The following CELSR1 variants were observed in gnomAD, a reference collection of about 807,000 sequenced individuals.
CELSR1 encodes the protein cadherin EGF LAG seven-pass G-type receptor 1, also known as adhesion G protein-coupled receptor C1.
In CELSR1, 110 loss-of-function variants were observed where a neutral mutation model predicts 249.1. The ratio of observed to expected loss-of-function variants is 0.44; its 90% CI spans 0.38 to 0.52. The LOEUF (loss-of-function observed/expected upper bound fraction) is 0.52, where lower values mean the gene tolerates loss of function less well. Ranked by LOEUF, CELSR1 falls within the 20% of genes least tolerant of loss-of-function variation. The probability of loss-of-function intolerance (pLI) is 0.00; values close to 1 mark genes in which losing one functional copy is unlikely to be tolerated. For missense variants in CELSR1, 4,109 were observed against 4,296.4 expected, an observed-to-expected ratio of 0.96 and a Z score of 1.22; for synonymous variants, 2,113 against 1,900.0, an observed-to-expected ratio of 1.11 and a Z score of -2.92.
Position 46,410,498 on chromosome 22 carries a change from T to C in CELSR1, c.4833A>G (p.Pro1611=), listed in dbSNP as rs1199906882. Residue 1611 remains proline, a synonymous_variant, in exon 7 of 35, where the codon CCA becomes CCG. Coordinates refer to ENST00000674500, the MANE Select transcript of CELSR1 (RefSeq NM_001378328.1). This position sits in a 1 kb window ranked among gnomAD's most constrained non-coding sequence, Gnocchi z 6.8. ...GGVPNLPEDF[P]VHNRQFVGCM... The stretch of plus-strand genomic sequence containing the variant: ...AGCCCACGAACTGCCGGTTGTGCAC[T>C]GGGAAGTCTTCTGGCAGGTTGGGGA... 2 of 1,614,014 alleles carry C rather than the reference T, an allele frequency of 1.2e-6. No individual in the cohort carries two copies. The highest frequency in any genetic ancestry group is 3.3e-5 in the Admixed American group (2 of 60,028).
chr22:46,365,436 C>A, intron 31 of CELSR1, 56 bp from the exon 32 acceptor site: 1 of 1,597,812 alleles, frequency 6.3e-7, no homozygotes. Flanking sequence ...GGGAGTCCCA[C>A]CGAGGGCCAA....
In CELSR1 at chr22:46,406,938, A is replaced by AT. The variant is rs1206894448; in HGVS notation, c.5226+2057_5226+2058insA. Among the ~76,000 whole-genome samples the AT allele has an allele frequency of 6.6e-6, 1 of 152,250 alleles. No individual in the cohort carries two copies. The highest frequency in any genetic ancestry group is 1.5e-5 in the Non-Finnish European group (1 of 68,042). ...ATAAGGCATGGCTCCGCCACGGCAC[A>AT]CAGCTGATGGCGGAGGACACGCAGC... On this transcript the variant is annotated intron_variant, in intron 9 of 34. Coordinates refer to ENST00000674500, the MANE Select transcript of CELSR1 (RefSeq NM_001378328.1). The surrounding 1 kb of genome is among the most constrained non-coding windows in gnomAD (Gnocchi z 5.4).
At chr22:46,384,520 A>T (rs1322213373) in intron 20 of CELSR1, 23 bp downstream of exon 20, 1 of 1,573,580 alleles carries the variant, frequency 6.4e-7, no homozygotes, top group African/African-American at 1.4e-5. Flanking sequence ...CGAGGGCAGC[A>T]GCAGGTTTCT....
chr22:46,453,012 G>C (rs2079904021), intron 2 of CELSR1, among the ~76,000 whole-genome samples: 1 of 151,724 alleles, frequency 6.6e-6, no homozygotes, highest in African/African-American at 2.4e-5. Flanking sequence ...CCACCCAGGG[G>C]AGAGGGCACT....
intron 19 of CELSR1, among the ~76,000 whole-genome samples, chr22:46,385,899 G>C (rs140354178): frequency 0.038 from 5,778 of 150,282 alleles, 401 homozygotes; most frequent in African/African-American, 0.13. Flanking sequence ...GGATGGTCTT[G>C]ATCTCCTGAC....
chr22:46,435,962 G>A (rs569827802), intron 4 of CELSR1, among the ~76,000 whole-genome samples: 6 of 152,214 alleles, frequency 3.9e-5, no homozygotes, highest in Admixed American at 2.6e-4. Flanking sequence ...GCCTCCCAAA[G>A]TGCTGGGATT....
intron 24 of CELSR1, among the ~76,000 whole-genome samples, chr22:46,373,496 C>G (rs897331397): frequency 6.8e-6 from 1 of 146,846 alleles, no homozygotes; most frequent in Non-Finnish European, 1.5e-5. Flanking sequence ...GTGGGGGGGG[C>G]AGCTTCACGC....
intron 1 of CELSR1, 59 bp downstream of exon 1, chr22:46,533,568 C>T (rs2080814464): frequency 2.0e-6 from 3 of 1,505,352 alleles, no homozygotes; most frequent in African/African-American, 2.8e-5. Flanking sequence ...TTGGCGGGTT[C>T]CTGAGGCTCT....
In CELSR1 at chr22:46,411,837, A is replaced by G. The variant is rs1201953036; in HGVS notation, c.4612-78T>C. On this transcript the variant is annotated intron_variant, in intron 5 of 34. Coordinates refer to ENST00000674500, the MANE Select transcript of CELSR1 (RefSeq NM_001378328.1). The surrounding 1 kb of genome is among the most constrained non-coding windows in gnomAD (Gnocchi z 4.2). ...CAGCAGGCGCACCTGTCACTCATAG[A>G]GCGAGGAGGACATGGCACAGGGTGG... The G allele has an allele frequency of 2.5e-6, 4 of 1,578,740 alleles. No homozygotes were observed. Among genetic ancestry groups the G allele is most frequent in the Middle Eastern group, 1.7e-4 (1 of 5,972 alleles).
intron 1 of CELSR1, among the ~76,000 whole-genome samples, chr22:46,525,911 G>A (rs1178324451): frequency 2.0e-5 from 3 of 152,258 alleles, no homozygotes; most frequent in Admixed American, 6.5e-5. Context: ...ACATGGGCCC[G>A]CTCCAGGCGT....
At chr22:46,382,470 G>A (rs1309216741) in intron 20 of CELSR1, among the ~76,000 whole-genome samples, 4 of 152,098 alleles carry the variant, frequency 2.6e-5, no homozygotes, top group Non-Finnish European at 4.4e-5. Context: ...TAGAGACAGA[G>A]TTTCACCTTG....
In CELSR1 at chr22:46,526,942, C is replaced by T. The variant is rs929181353; in HGVS notation, c.3544+6685G>A. Among the ~76,000 whole-genome samples, 7 of 152,318 alleles carry T rather than the reference C, an allele frequency of 4.6e-5. No homozygotes were observed. The South Asian group carries it at 1.0e-3, about 23-fold the overall frequency. On this transcript the variant is annotated intron_variant, in intron 1 of 34. Coordinates refer to ENST00000674500, the MANE Select transcript of CELSR1 (RefSeq NM_001378328.1). This position sits in a 1 kb window ranked among gnomAD's most constrained non-coding sequence, Gnocchi z 4.7. Reference sequence around the variant, plus strand: ...AGCCGATTCCCGGTAAGGACTCTGGCTCAGGGAACGAACCTCTCTCAGTTT... The same window carrying T: ...AGCCGATTCCCGGTAAGGACTCTGGTTCAGGGAACGAACCTCTCTCAGTTT...
intron 9 of CELSR1, among the ~76,000 whole-genome samples, chr22:46,405,883 G>A (rs3788681): frequency 1.3e-5 from 2 of 152,078 alleles, no homozygotes; most frequent in East Asian, 1.9e-4. Flanking sequence ...CAGAACCTTC[G>A]GTAACGTGTG....
At position 46,533,791 on chromosome 22, in the gene CELSR1, A is replaced by G. The variant is rs1202472533; in HGVS notation, c.3380T>C (p.Ile1127Thr). The stretch of plus-strand genomic sequence containing the variant: ...TGACACGTCGGGGTCATGGGCCGGG[A>G]TGCAGCCGATCACGCCGGTGGGGAA... The part of the protein sequence containing the change: ...NSFPTGVIGC[I>T]PAHDPDVSDS... The change falls in exon 1 of 35, where the codon ATC becomes ACC. Residue 1127 changes from isoleucine to threonine, a missense_variant. Ile to Thr is a moderately conservative substitution (Grantham distance 89). This residue lies in a region of CELSR1 where 886 missense variants were observed against 896.5 expected (regional missense o/e 0.99). Coordinates refer to ENST00000674500, the MANE Select transcript of CELSR1 (RefSeq NM_001378328.1). 5 of 1,613,700 alleles carry G rather than the reference A, an allele frequency of 3.1e-6. No individual in the cohort carries two copies.
intron 1 of CELSR1, chr22:46,530,299 A>T (rs2080778770): frequency 6.6e-6 from 1 of 151,156 alleles, no homozygotes; most frequent in African/African-American, 2.4e-5. Context: ...ATATATACAC[A>T]CACATAAATT....
rs543789759 is a variant in CELSR1 at position 46,391,521 on chromosome 22, C to T, written c.6148+112G>A. The T allele has an allele frequency of 6.1e-5, 78 of 1,272,164 alleles. 2 individuals carry two copies. The South Asian group carries it at 7.4e-4, about 12-fold the overall frequency. 78.8% of individuals were successfully genotyped at this position (1,272,164 alleles called of 1,614,324 possible). Reference sequence around the variant, plus strand: ...TAGAAGGTCAAGAGAACTCAGAACACGAGGGAGCCCAGGGTCCCCCAAACA... The same window carrying T: ...TAGAAGGTCAAGAGAACTCAGAACATGAGGGAGCCCAGGGTCCCCCAAACA... On this transcript the variant is annotated intron_variant, in intron 15 of 34. Coordinates refer to ENST00000674500, the MANE Select transcript of CELSR1 (RefSeq NM_001378328.1). This position sits in a 1 kb window ranked among gnomAD's most constrained non-coding sequence, Gnocchi z 4.3.
rs1256730119 is a variant in CELSR1, at chr22:46,446,286, A to AC, written c.4184-6876dup. Among the ~76,000 whole-genome samples, 2 of 151,850 alleles carry AC rather than the reference A, an allele frequency of 1.3e-5. No individual in the cohort carries two copies. The highest frequency in any genetic ancestry group is 4.8e-5 in the African/African-American group (2 of 41,330). On this transcript the variant is annotated intron_variant, in intron 2 of 34. Transcript: ENST00000674500. This position sits in a 1 kb window ranked among gnomAD's most constrained non-coding sequence, Gnocchi z 5.5. ...TGTGGCTTTCCAGTGCCTGGAGGCC[A>AC]CCCGCATCCCCTGGCTGTACCTGTC...
intron 1 of CELSR1, among the ~76,000 whole-genome samples, chr22:46,522,237 C>T (rs976547247): frequency 2.6e-5 from 4 of 152,176 alleles, no homozygotes; most frequent in African/African-American, 7.2e-5. Context: ...GCGAACCTCC[C>T]GCCTCAGCCT....
chr22:46,414,595 T>TGCGGTTGAGG (rs2079377205), intron 5 of CELSR1, among the ~76,000 whole-genome samples: 1 of 151,132 alleles, frequency 6.6e-6, no homozygotes, highest in African/African-American at 2.4e-5. Context: ...CCGTCCACTC[T>TGCGGTTGAGG]CCCGCCTCTC....
Sources: allele counts gnomAD v4.1 joint callset (sites outside exome capture counted in the v4.1 genomes callset), GRCh38; gene constraint gnomAD v4.1.1; regional missense constraint gnomAD v4.1.1; non-coding constraint Gnocchi (gnomAD v3.1); transcripts MANE v1.5; gene names NCBI Gene and HGNC (gene_info 2026-07-23, HGNC 2026-07-21).